Variants in KMT2C observed in about 807,000 individuals in gnomAD.
The protein encoded by KMT2C is histone-lysine N-methyltransferase 2C.
In KMT2C, 88 loss-of-function variants were observed where a neutral mutation model predicts 507.9. That is an observed-to-expected ratio of 0.17 (90% confidence interval 0.15 to 0.21). KMT2C has a LOEUF of 0.21. Ranked by LOEUF, KMT2C falls within the 10% of genes least tolerant of loss-of-function variation. The probability of loss-of-function intolerance (pLI) is 1.00; values close to 1 mark genes in which losing one functional copy is unlikely to be tolerated. For missense variants in KMT2C, 4,954 were observed against 5,957.8 expected, an observed-to-expected ratio of 0.83 and a Z score of 5.55; for synonymous variants, 2,049 against 2,080.8, an observed-to-expected ratio of 0.98 and a Z score of 0.42.
At chr7:152,341,321 T>C (rs2096989436) in intron 2 of KMT2C, among the ~76,000 whole-genome samples, 1 of 152,238 alleles carries the variant, frequency 6.6e-6, no homozygotes, top group African/African-American at 2.4e-5. Flanking sequence ...ATTTGTTACG[T>C]GGCAATAAGA....
chr7:152,208,158 A>G (rs1281470262), intron 23 of KMT2C, among the ~76,000 whole-genome samples: 2 of 152,112 alleles, frequency 1.3e-5, no homozygotes, highest in African/African-American at 4.8e-5. Flanking sequence ...AAATCCTTTC[A>G]TGTCTTCCCA....
At chr7:152,433,376 G>A (rs2097883169) in intron 1 of KMT2C, among the ~76,000 whole-genome samples, 1 of 151,988 alleles carries the variant, frequency 6.6e-6, no homozygotes, top group Non-Finnish European at 1.5e-5. Flanking sequence ...CCAACTACAG[G>A]GTCTTTTCTG....
At chr7:152,390,049 G>C (rs774449933) in intron 1 of KMT2C, among the ~76,000 whole-genome samples, 1 of 152,216 alleles carries the variant, frequency 6.6e-6, no homozygotes, top group Non-Finnish European at 1.5e-5. Context: ...TAATAGACTA[G>C]AGATTCCAAA....
intron 2 of KMT2C, among the ~76,000 whole-genome samples, chr7:152,343,656 A>G (rs1589316944): frequency 1.3e-5 from 2 of 152,278 alleles, no homozygotes; most frequent in East Asian, 3.9e-4. Context: ...AAACCACAGA[A>G]TACTGAAAAA....
chr7:152,431,233 T>C (rs1049675542), intron 1 of KMT2C, among the ~76,000 whole-genome samples: 1 of 152,182 alleles, frequency 6.6e-6, no homozygotes, highest in African/African-American at 2.4e-5. Flanking sequence ...GTAACTAATA[T>C]GTAAATTTAT....
chr7:152,162,240 G>T lies in KMT2C; in HGVS notation c.11337C>A (p.His3779Gln). ...AAGATGACTTTTTATTTTTCAACAA[G>T]TGTTTCAGAAGTTCATTCCCTGAGT... ...KGDSGNELLK[H>Q]LLKNKKSSSL... The change falls in exon 43 of 59, where the codon CAC becomes CAA. Residue 3779 changes from histidine to glutamine, a missense_variant. Around this residue, in one of 29 missense-constraint regions of KMT2C, gnomAD observed 801 missense variants for 751.2 expected, o/e 1.07. Coordinates refer to ENST00000262189, the MANE Select transcript of KMT2C (RefSeq NM_170606.3). The T allele has an allele frequency of 6.2e-7, 1 of 1,614,038 alleles. No homozygotes were observed. Among genetic ancestry groups the T allele is most frequent in the Non-Finnish European group, 8.5e-7 (1 of 1,179,962 alleles).
chr7:152,265,885 T>G (rs1351309584), intron 7 of KMT2C, among the ~76,000 whole-genome samples: 6 of 152,234 alleles, frequency 3.9e-5, no homozygotes, highest in Non-Finnish European at 7.4e-5. Context: ...ATGGACATCA[T>G]CCATCCCTAA....
chr7:152,148,466 G>A lies in KMT2C; in HGVS notation c.13461C>T (p.Cys4487=), dbSNP rs138230031. 3.5e-5 allele frequency: 57 copies of A among 1,614,242 alleles called. No homozygotes were observed. The highest frequency in any genetic ancestry group is 5.5e-5 in the South Asian group (5 of 91,082). ...AAAACATGCATTGTGCTTTAATGGC[G>A]CAAGTGAAGTGATAAATGTTGGTGC... The part of the protein sequence containing the change: ...FRCTNIYHFT[C]AIKAQCMFFK... Residue 4487 remains cysteine, a synonymous_variant, in exon 52 of 59, where the codon TGC becomes TGT. Coordinates refer to ENST00000262189, the MANE Select transcript of KMT2C (RefSeq NM_170606.3). This position sits in a 1 kb window ranked among gnomAD's most constrained non-coding sequence, Gnocchi z 7.1.
chr7:152,328,593 G>A (rs2096852266), intron 3 of KMT2C, among the ~76,000 whole-genome samples: 1 of 152,204 alleles, frequency 6.6e-6, no homozygotes, highest in Non-Finnish European at 1.5e-5. Flanking sequence ...ATGAAAGAGA[G>A]TGGAGAGTGG....
chr7:152,153,223 T>C (rs191097940), intron 48 of KMT2C, among the ~76,000 whole-genome samples: 2 of 152,320 alleles, frequency 1.3e-5, no homozygotes, highest in African/African-American at 2.4e-5. Flanking sequence ...TTTTAGATAT[T>C]GTAACATCTG....
intron 2 of KMT2C, among the ~76,000 whole-genome samples, chr7:152,343,770 G>C (rs1405517077): frequency 6.6e-6 from 1 of 152,112 alleles, no homozygotes; most frequent in Non-Finnish European, 1.5e-5. Flanking sequence ...AACATGTTGA[G>C]AGAAAGAAAA....
At chr7:152,327,913 G>C (rs1303297119) in intron 3 of KMT2C, among the ~76,000 whole-genome samples, 9 of 146,348 alleles carry the variant, frequency 6.1e-5, no homozygotes, top group Non-Finnish European at 1.5e-5. Flanking sequence ...AGCCAAGATC[G>C]CGCCACTGCA....
chr7:152,367,962 C>T, intron 1 of KMT2C: 1 of 923,272 alleles, frequency 1.1e-6, no homozygotes, highest in Non-Finnish European at 1.8e-6. Flanking sequence ...AGAGGAATGC[C>T]AACAGTTTAA....
At chr7:152,339,740 C>G (rs2096972942) in intron 2 of KMT2C, among the ~76,000 whole-genome samples, 1 of 152,144 alleles carries the variant, frequency 6.6e-6, no homozygotes, top group African/African-American at 2.4e-5. Flanking sequence ...AAAACAGGCA[C>G]TGTATCTGTT....
intron 1 of KMT2C, among the ~76,000 whole-genome samples, chr7:152,395,485 A>T (rs1166520895): frequency 6.6e-6 from 1 of 151,484 alleles, no homozygotes; most frequent in Admixed American, 6.6e-5. Context: ...CACAGTGCCT[A>T]ACCATTTTTA....
chr7:152,352,546 C>G (rs1331405293), intron 2 of KMT2C, among the ~76,000 whole-genome samples: 2 of 152,140 alleles, frequency 1.3e-5, no homozygotes, highest in Non-Finnish European at 2.9e-5. Flanking sequence ...TGATGTCTCC[C>G]CCGGATGCCC....
intron 9 of KMT2C, among the ~76,000 whole-genome samples, chr7:152,260,232 C>T (rs1480096859): frequency 6.6e-6 from 1 of 152,110 alleles, no homozygotes; most frequent in South Asian, 2.1e-4. Context: ...GATTAAGTAT[C>T]CAATAGTATT....
intron 2 of KMT2C, among the ~76,000 whole-genome samples, chr7:152,346,224 G>A (rs998041418): frequency 1.4e-4 from 22 of 152,212 alleles, no homozygotes; most frequent in Non-Finnish European, 2.4e-4. Flanking sequence ...ATCTGACACC[G>A]TTAATCAACT....
intron 16 of KMT2C, among the ~76,000 whole-genome samples, chr7:152,231,525 A>T (rs1237970192): frequency 6.6e-6 from 1 of 152,292 alleles, no homozygotes; most frequent in East Asian, 1.9e-4. Flanking sequence ...TCATGCCTAT[A>T]ATCTTAGCAC....
Sources: allele counts gnomAD v4.1 joint callset (sites outside exome capture counted in the v4.1 genomes callset), GRCh38; gene constraint gnomAD v4.1.1; regional missense constraint gnomAD v4.1.1; non-coding constraint Gnocchi (gnomAD v3.1); transcripts MANE v1.5; gene names NCBI Gene and HGNC (gene_info 2026-07-23, HGNC 2026-07-21).